WNT7B: variants seen among roughly 807,000 people sequenced by gnomAD.
The protein encoded by WNT7B is Wnt family member 7B, also known as protein Wnt-7b.
A neutral mutation model predicts 38.2 loss-of-function variants in WNT7B; 19 were observed. The observed-to-expected ratio is 0.50, with a 90% CI of 0.35 to 0.73. The LOEUF (loss-of-function observed/expected upper bound fraction) is 0.73, where lower values mean the gene tolerates loss of function less well. WNT7B is among the 30% of genes least tolerant of loss of function. WNT7B has a pLI of 0.01. For missense variants in WNT7B, 423 were observed against 507.9 expected (o/e 0.83, Z 1.61); for synonymous variants, 243 against 209.3 (o/e 1.16, Z -1.39).
At chr22:45,950,277 G>A in intron 1 of WNT7B, 131 bp from the exon 2 acceptor site, 1 of 772,572 alleles carries the variant, frequency 1.3e-6, no homozygotes, top group Non-Finnish European at 2.1e-6. Context: ...GGCACAAGCA[G>A]ATCCCTGCCC....
chr22:45,943,990 C>G (rs1454307871), intron 2 of WNT7B, among the ~76,000 whole-genome samples: 1 of 152,164 alleles, frequency 6.6e-6, no homozygotes, highest in Non-Finnish European at 1.5e-5. Flanking sequence ...GCGGGGACCT[C>G]CATGTCCCCA....
intron 3 of WNT7B, chr22:45,927,686 A>G (rs1569109921): frequency 7.1e-6 from 5 of 702,568 alleles, no homozygotes; most frequent in Non-Finnish European, 1.3e-5. Flanking sequence ...ACCTGAGGTT[A>G]GGGGTTCAAG....
chr22:45,930,451 C>A (rs182604615), intron 3 of WNT7B, among the ~76,000 whole-genome samples: 3 of 152,218 alleles, frequency 2.0e-5, no homozygotes, highest in Non-Finnish European at 4.4e-5. Flanking sequence ...GCCATCTTGC[C>A]GCCGTGCAGC....
At chr22:45,927,785 A>T (rs1931137482) in intron 3 of WNT7B, among the ~76,000 whole-genome samples, 1 of 152,238 alleles carries the variant, frequency 6.6e-6, no homozygotes, top group African/African-American at 2.4e-5. Flanking sequence ...AATCCCAGCT[A>T]TTCGGGAGGC....
chr22:45,935,126 C>T (rs958165049), intron 2 of WNT7B, among the ~76,000 whole-genome samples: 56 of 152,318 alleles, frequency 3.7e-4, no homozygotes, highest in African/African-American at 1.2e-3. Flanking sequence ...CTCCTGGGGC[C>T]GTGACTGGGC....
chr22:45,960,386 C>T (rs888931787), intron 1 of WNT7B, among the ~76,000 whole-genome samples: 2 of 152,166 alleles, frequency 1.3e-5, no homozygotes, highest in African/African-American at 4.8e-5. Context: ...ACTGTGTCAG[C>T]GGCAGACTCC....
rs1407024625 is a variant in WNT7B, at chr22:45,976,905, C to A, written c.-151G>T. ...GCCGGCGACGCGCGGGCACTCGGCG[C>A]GCGCTGCCACCATGGTGAGCCCGGG... is the stretch of plus-strand genomic sequence containing the variant. On this transcript the variant is annotated 5_prime_UTR_variant, in exon 1 of 4. Transcript: ENST00000339464. This position sits in a 1 kb window ranked among gnomAD's most constrained non-coding sequence, Gnocchi z 8.5. The A allele has an allele frequency of 3.0e-5, 30 of 995,062 alleles. No homozygotes were observed. Among genetic ancestry groups the A allele is most frequent in the Non-Finnish European group, 3.6e-5 (30 of 836,308 alleles). The allele number at this position is 995,062 out of a possible 1,614,324, so 61.6% of individuals were successfully genotyped here.
intron 1 of WNT7B, among the ~76,000 whole-genome samples, chr22:45,959,245 G>A (rs1451334787): frequency 2.0e-5 from 3 of 152,336 alleles, no homozygotes; most frequent in East Asian, 1.9e-4. Flanking sequence ...CTGGACAGGG[G>A]GTGGGCAGCA....
intron 2 of WNT7B, among the ~76,000 whole-genome samples, chr22:45,937,709 A>T (rs1005908719): frequency 2.6e-5 from 4 of 152,182 alleles, no homozygotes; most frequent in African/African-American, 9.7e-5. Flanking sequence ...CCCTCTTTTT[A>T]AAAAATGACA....
intron 3 of WNT7B, 63 bp downstream of exon 3, chr22:45,931,035 A>G: frequency 6.7e-7 from 1 of 1,495,158 alleles, no homozygotes; most frequent in Non-Finnish European, 8.9e-7. Context: ...TGAGGCTCCG[A>G]GAGGTCAGCG....
intron 2 of WNT7B, 50 bp from the exon 3 acceptor site, chr22:45,931,419 G>C (rs757861614): frequency 1.4e-4 from 212 of 1,523,650 alleles, no homozygotes; most frequent in Non-Finnish European, 1.8e-4. Context: ...CCTGGGCCAG[G>C]TGGGCTCAGG....
chr22:45,930,518 GCT>G (rs1360636817), intron 3 of WNT7B, among the ~76,000 whole-genome samples: 1 of 152,196 alleles, frequency 6.6e-6, no homozygotes, highest in Admixed American at 6.5e-5. Context: ...GGCCCGGCTT[GCT>G]CTGACTTCTT....
At chr22:45,930,848 C>G (rs1931324733) in intron 3 of WNT7B, among the ~76,000 whole-genome samples, 1 of 152,226 alleles carries the variant, frequency 6.6e-6, no homozygotes, top group Non-Finnish European at 1.5e-5. Flanking sequence ...GAGTCCCCAT[C>G]TTCCCTGGGG....
Position 45,951,893 on chromosome 22 carries a change from C to G in WNT7B, c.72-1747G>C, listed in dbSNP as rs946011524. ...CTGTTTTCAGTCTCTGGGGCATGGA[C>G]CTATGAGTTGCTGGGTCAGGTGGTC... is the stretch of plus-strand genomic sequence containing the variant. On this transcript the variant is annotated intron_variant, in intron 1 of 3. Transcript: ENST00000339464. This position sits in a 1 kb window ranked among gnomAD's most constrained non-coding sequence, Gnocchi z 4.8. 6.6e-6 allele frequency among the ~76,000 whole-genome samples: 1 copy of G among 152,188 alleles called. No homozygotes were observed. Among genetic ancestry groups the G allele is most frequent in the African/African-American group, 2.4e-5 (1 of 41,448 alleles).
intron 2 of WNT7B, among the ~76,000 whole-genome samples, chr22:45,949,127 G>A (rs997963159): frequency 1.3e-5 from 2 of 151,972 alleles, no homozygotes; most frequent in African/African-American, 2.4e-5. Flanking sequence ...CACCAGGTCC[G>A]GCCCAAAAGT....
intron 2 of WNT7B, among the ~76,000 whole-genome samples, chr22:45,931,907 C>G (rs1367455868): frequency 6.6e-6 from 1 of 152,200 alleles, no homozygotes. Context: ...TCCCCACCCC[C>G]AGCCAGGAAC....
chr22:45,965,774 C>G lies in WNT7B; in HGVS notation c.71+10910G>C, dbSNP rs1305084385. Among the ~76,000 whole-genome samples, 2 of 152,172 alleles carry G rather than the reference C, an allele frequency of 1.3e-5. No homozygotes were observed. Among genetic ancestry groups the G allele is most frequent in the Admixed American group, 1.3e-4 (2 of 15,288 alleles). ...CCCAAAGCTAAACTTGGAGGCAGCC[C>G]CTGCAACCTTGAGACCCTCGCTCAG... On this transcript the variant is annotated intron_variant, in intron 1 of 3. Transcript: ENST00000339464. The surrounding 1 kb of genome is among the most constrained non-coding windows in gnomAD (Gnocchi z 6.5).
chr22:45,933,660 C>A (rs574813783), intron 2 of WNT7B, among the ~76,000 whole-genome samples: 2 of 152,258 alleles, frequency 1.3e-5, no homozygotes, highest in South Asian at 4.1e-4. Context: ...CACTGACCTA[C>A]CTCCGTGGAG....
chr22:45,930,298 A>C (rs148819062), intron 3 of WNT7B, among the ~76,000 whole-genome samples: 93 of 152,326 alleles, frequency 6.1e-4, no homozygotes, highest in Admixed American at 1.5e-3. Flanking sequence ...GGCCCGAGGG[A>C]TTCTTCAGCT....
Sources: allele counts gnomAD v4.1 joint callset (sites outside exome capture counted in the v4.1 genomes callset), GRCh38; gene constraint gnomAD v4.1.1; non-coding constraint Gnocchi (gnomAD v3.1); transcripts MANE v1.5; gene names NCBI Gene and HGNC (gene_info 2026-07-23, HGNC 2026-07-21).